The following SLC24A4 variants were observed in gnomAD, a reference collection of about 807,000 sequenced individuals.
The protein encoded by SLC24A4 is solute carrier family 24 member 4, also known as sodium/potassium/calcium exchanger 4.
Under a neutral mutation model 79.0 loss-of-function variants are expected in SLC24A4, and 53 were observed. That is an observed-to-expected ratio of 0.67 (90% confidence interval 0.54 to 0.84). The LOEUF (loss-of-function observed/expected upper bound fraction) is 0.84, where lower values mean the gene tolerates loss of function less well. Ranked by LOEUF, SLC24A4 falls within the 40% of genes least tolerant of loss-of-function variation. SLC24A4 has a pLI of 0.00. For missense variants in SLC24A4, 731 were observed against 822.0 expected (o/e 0.89, Z 1.35); for synonymous variants, 323 against 323.8 (o/e 1.00, Z 0.03).
In SLC24A4 at chr14:92,493,468, C is replaced by T; in HGVS notation, c.1717-8C>T. 6.2e-7 allele frequency: 1 copy of T among 1,613,862 alleles called. No homozygotes were observed. Among genetic ancestry groups the T allele is most frequent in the Non-Finnish European group, 8.5e-7 (1 of 1,179,874 alleles). On this transcript the variant is annotated splice_region_variant and splice_polypyrimidine_tract_variant and intron_variant, in intron 16 of 16. Coordinates refer to ENST00000532405, the MANE Select transcript of SLC24A4 (RefSeq NM_153646.4). ...TGCAAGCCCAGTTCCCACACTCTGT[C>T]CTCCCAGGTCCTCGGCATCCACCTA... is the stretch of plus-strand genomic sequence containing the variant.
At chr14:92,329,066 C>T (rs961034285) in intron 2 of SLC24A4, among the ~76,000 whole-genome samples, 2 of 152,242 alleles carry the variant, frequency 1.3e-5, no homozygotes, top group African/African-American at 4.8e-5. Flanking sequence ...GGTGGGGTTT[C>T]CTCATAAAGA....
intron 2 of SLC24A4, among the ~76,000 whole-genome samples, chr14:92,358,695 C>CT (rs749108837): frequency 0.043 from 5,667 of 130,828 alleles, 407 homozygotes; most frequent in African/African-American, 0.11. Context: ...CACATCTACT[C>CT]TTTTTTTTTT....
Position 92,442,756 on chromosome 14 carries a change from G to A in SLC24A4, c.522G>A (p.Val174=), listed in dbSNP as rs2139812850. The A allele has an allele frequency of 6.2e-7, 1 of 1,614,152 alleles. No individual in the cohort carries two copies. The highest frequency in any genetic ancestry group is 1.1e-5 in the South Asian group (1 of 91,088). Residue 174 remains valine, a synonymous_variant, in exon 6 of 17, where the codon GTG becomes GTA. Coordinates refer to ENST00000532405, the MANE Select transcript of SLC24A4 (RefSeq NM_153646.4). The part of the protein sequence containing the change: ...THGDVGVGTI[V]GSAVFNILCI... ...GGGACGTCGGGGTGGGCACCATCGT[G>A]GGCTCTGCTGTGTTCAACATCCTGT...
chr14:92,476,630 G>C (rs941773322), intron 12 of SLC24A4, among the ~76,000 whole-genome samples: 2 of 152,132 alleles, frequency 1.3e-5, no homozygotes, highest in Non-Finnish European at 2.9e-5. Flanking sequence ...TCACAGAGCT[G>C]CGCAGCCATC....
chr14:92,363,833 AAAAAAG>A (rs1197757058), intron 2 of SLC24A4, among the ~76,000 whole-genome samples: 2 of 151,964 alleles, frequency 1.3e-5, no homozygotes, highest in Admixed American at 6.6e-5. Context: ...CGTCTAAAAA[AAAAAAG>A]AAAAGAAAAG....
At chr14:92,360,179 C>T (rs1319860801) in intron 2 of SLC24A4, among the ~76,000 whole-genome samples, 1 of 152,226 alleles carries the variant, frequency 6.6e-6, no homozygotes, top group Non-Finnish European at 1.5e-5. Context: ...ACCTTGGCCT[C>T]CCAAAGTGCT....
intron 9 of SLC24A4, among the ~76,000 whole-genome samples, chr14:92,448,496 A>G (rs1892941521): frequency 6.6e-6 from 1 of 152,206 alleles, no homozygotes; most frequent in African/African-American, 2.4e-5. Flanking sequence ...ACATTTATAT[A>G]AAACATTTAT....
intron 2 of SLC24A4, among the ~76,000 whole-genome samples, chr14:92,361,006 A>G (rs888486023): frequency 2.0e-5 from 3 of 152,234 alleles, no homozygotes; most frequent in African/African-American, 7.2e-5. Context: ...ATGAAAGGGA[A>G]CAGTTTAATC....
intron 12 of SLC24A4, among the ~76,000 whole-genome samples, chr14:92,467,268 A>G (rs1894177497): frequency 6.6e-6 from 1 of 152,256 alleles, no homozygotes; most frequent in Non-Finnish European, 1.5e-5. Flanking sequence ...AATCAATGTG[A>G]TATATACCAC....
At chr14:92,414,792 T>G (rs1243267598) in intron 2 of SLC24A4, among the ~76,000 whole-genome samples, 2 of 152,162 alleles carry the variant, frequency 1.3e-5, no homozygotes, top group Non-Finnish European at 2.9e-5. Context: ...TCAAATTGCT[T>G]CACAAGTGTT....
At chr14:92,354,384 C>G (rs1297543090) in intron 2 of SLC24A4, among the ~76,000 whole-genome samples, 1 of 152,020 alleles carries the variant, frequency 6.6e-6, no homozygotes, top group Admixed American at 6.6e-5. Context: ...ATCTCCTGAC[C>G]TCGTGATCTG....
intron 2 of SLC24A4, among the ~76,000 whole-genome samples, chr14:92,411,330 C>A (rs1431396323): frequency 6.6e-6 from 1 of 152,186 alleles, no homozygotes; most frequent in Non-Finnish European, 1.5e-5. Context: ...CAGATCCTCC[C>A]ACCCACCCCA....
chr14:92,377,337 G>A (rs1200390887), intron 2 of SLC24A4, among the ~76,000 whole-genome samples: 1 of 152,130 alleles, frequency 6.6e-6, no homozygotes, highest in Non-Finnish European at 1.5e-5. Flanking sequence ...CGTGTGGCAT[G>A]GTCCTTGTTC....
At chr14:92,415,820 T>C (rs1890952912) in intron 2 of SLC24A4, among the ~76,000 whole-genome samples, 1 of 152,120 alleles carries the variant, frequency 6.6e-6, no homozygotes, top group Non-Finnish European at 1.5e-5. Context: ...TATTTGGTTA[T>C]GCAAGTAAGT....
Position 92,447,569 on chromosome 14 carries a change from G to T in SLC24A4, c.737+145G>T, listed in dbSNP as rs546230844. 6.4e-6 allele frequency: 5 copies of T among 776,662 alleles called. No homozygotes were observed. In the East Asian group the frequency reaches 1.3e-4, roughly 21 times the overall value. The allele number at this position is 776,662 out of a possible 1,614,324, so 48.1% of individuals were successfully genotyped here. On this transcript the variant is annotated intron_variant, in intron 9 of 16. Transcript: ENST00000532405. ...GCTCTCTGGTAGACACCCTGCTGGG[G>T]GACAGCTGGAGTAGGGGAGGGGTGT... is the stretch of plus-strand genomic sequence containing the variant.
intron 2 of SLC24A4, among the ~76,000 whole-genome samples, chr14:92,391,568 G>A (rs1889463482): frequency 6.6e-6 from 1 of 152,194 alleles, no homozygotes; most frequent in Non-Finnish European, 1.5e-5. Context: ...CAGTGGTCAT[G>A]CTTGGAAAAC....
In SLC24A4 at chr14:92,486,893, TC is replaced by T. The variant is rs540208574; in HGVS notation, c.1537+115del. On this transcript the variant is annotated intron_variant, in intron 14 of 16. Transcript: ENST00000532405. ...GCTCTTATGACTGGCAGTTGTCAAG[TC>T]CTGCTGTGGAGAAAAACTGCGACAT... 4.9e-3 allele frequency: 3,294 copies of T among 668,442 alleles called. 30 individuals are homozygous for T. The highest frequency in any genetic ancestry group is 3.8e-3 in the Non-Finnish European group (1,457 of 387,376). The allele number at this position is 668,442 out of a possible 1,614,324, so 41.4% of individuals were successfully genotyped here.
chr14:92,483,674 C>T, intron 13 of SLC24A4: 1 of 1,238,252 alleles, frequency 8.1e-7, no homozygotes. Context: ...AGCCTCCTTC[C>T]CCACTCTCTG....
At chr14:92,489,558 G>A (rs976728661) in intron 14 of SLC24A4, among the ~76,000 whole-genome samples, 2 of 152,106 alleles carry the variant, frequency 1.3e-5, no homozygotes, top group African/African-American at 4.8e-5. Context: ...CTCCCTCCAG[G>A]CCCGCAGCAC....
Sources: gnomAD v4.1 joint callset for allele counts (sites outside exome capture counted in the v4.1 genomes callset) on GRCh38, gnomAD v4.1.1 for gene constraint, MANE v1.5 for transcripts, NCBI Gene and HGNC (gene_info 2026-07-23, HGNC 2026-07-21) for gene names.